Variants in PPP1R16A observed in about 807,000 individuals in gnomAD.
PPP1R16A encodes myosin phosphatase-targeting subunit 3.
A neutral mutation model predicts 46.6 loss-of-function variants in PPP1R16A; 39 were observed. The observed-to-expected ratio is 0.84, with a 90% CI of 0.65 to 1.09. PPP1R16A has a LOEUF of 1.09. PPP1R16A is among the 50% of genes least tolerant of loss of function. The probability of loss-of-function intolerance (pLI) is 0.00; values close to 1 mark genes in which losing one functional copy is unlikely to be tolerated. For synonymous variants in PPP1R16A, 413 were observed against 321.5 expected (o/e 1.28, Z -3.04); for missense variants, 798 against 735.6 (o/e 1.08, Z -0.98).
chr8:144,500,395 A>AGGGCTGGGGGGTGAGGGGCACACG lies in PPP1R16A; in HGVS notation c.705+15_705+38dup. On this transcript the variant is annotated splice_donor_region_variant and intron_variant, in intron 7 of 11. Coordinates refer to ENST00000435887, the MANE Select transcript of PPP1R16A (RefSeq NM_001329443.2). ...CCTGGACCACGGGGCCACGCTGGTG[A>AGGGCTGGGGGGTGAGGGGCACACG]GGGCTGGGGGGTGAGGGGCACACGG... 4.0e-6 allele frequency: 6 copies of AGGGCTGGGGGGTGAGGGGCACACG among 1,506,274 alleles called. No individual in the cohort carries two copies. The highest frequency in any genetic ancestry group is 5.3e-6 in the Non-Finnish European group (6 of 1,129,612). 93.3% of individuals were successfully genotyped at this position (1,506,274 alleles called of 1,614,324 possible).
chr8:144,502,050 C>G lies in PPP1R16A; in HGVS notation c.*147C>G. ...GGCCCCTCTCAGGTCAGAAGACATGCCTGGAGGGATGTCTGGCTGCAAAGA... is the reference window on the plus strand; with the variant it reads ...GGCCCCTCTCAGGTCAGAAGACATGGCTGGAGGGATGTCTGGCTGCAAAGA... On this transcript the variant is annotated 3_prime_UTR_variant, in exon 12 of 12. Transcript: ENST00000435887. 1.4e-6 allele frequency: 1 copy of G among 738,850 alleles called. No homozygotes were observed. The highest frequency in any genetic ancestry group is 2.1e-6 in the Non-Finnish European group (1 of 483,222). 45.8% of individuals were successfully genotyped at this position (738,850 alleles called of 1,614,324 possible).
In PPP1R16A at chr8:144,502,024, T is replaced by C. The variant is rs192904904; in HGVS notation, c.*121T>C. 4 of 1,004,928 alleles carry C rather than the reference T, an allele frequency of 4.0e-6. No individual in the cohort carries two copies. Among genetic ancestry groups the C allele is most frequent in the Non-Finnish European group, 5.6e-6 (4 of 712,740 alleles). 62.3% of individuals were successfully genotyped at this position (1,004,928 alleles called of 1,614,324 possible). On this transcript the variant is annotated 3_prime_UTR_variant, in exon 12 of 12. Transcript: ENST00000435887. ...CCCCGGCTTCTACTGTACAGGACAC[T>C]GGCCCCTCTCAGGTCAGAAGACATG...
At chr8:144,478,701 C>T (rs1825273782) in intron 1 of PPP1R16A, 1 of 152,278 alleles carries the variant, frequency 6.6e-6, no homozygotes, top group South Asian at 2.1e-4. Context: ...CTTCAACTTT[C>T]AGGGATTCAA....
chr8:144,490,255 C>G (rs1185049500), intron 2 of PPP1R16A, 43 bp downstream of exon 2: 1 of 152,408 alleles, frequency 6.6e-6, no homozygotes, highest in Non-Finnish European at 1.5e-5. Context: ...GCCTGTAATC[C>G]CAGCACTGTG....
chr8:144,490,787 A>T (rs887275842), intron 2 of PPP1R16A, among the ~76,000 whole-genome samples: 7 of 152,204 alleles, frequency 4.6e-5, no homozygotes, highest in African/African-American at 1.4e-4. Flanking sequence ...AGGCATGGTG[A>T]TGCATGCCTG....
chr8:144,483,032 C>A (rs902681817), intron 1 of PPP1R16A, among the ~76,000 whole-genome samples: 1 of 151,804 alleles, frequency 6.6e-6, no homozygotes, highest in African/African-American at 2.4e-5. Flanking sequence ...ATCCGCCCCC[C>A]TCAACTCCCA....
rs760418028 is a variant in PPP1R16A, at chr8:144,500,337, C to T, written c.651C>T (p.Ser217=). The T allele has an allele frequency of 6.4e-5, 98 of 1,537,202 alleles. No homozygotes were observed. The highest frequency in any genetic ancestry group is 8.1e-5 in the Non-Finnish European group (93 of 1,146,222). Residue 217 remains serine (S), a synonymous_variant, in exon 7 of 12, where the codon AGC becomes AGT. Transcript: ENST00000435887. ...PELRMLDDIR[S]RLQAGADLHA... is the part of the protein sequence containing the mutation. ...TGCGCATGCTGGACGACATCCGGAG[C>T]CGGCTGCAGGCCGGGGCAGACCTCC... is the stretch of plus-strand genomic sequence containing the variant.
At chr8:144,487,560 G>A (rs750929642) in intron 1 of PPP1R16A, among the ~76,000 whole-genome samples, 7 of 152,136 alleles carry the variant, frequency 4.6e-5, no homozygotes, top group African/African-American at 1.7e-4. Flanking sequence ...GTAGAGATGA[G>A]AGTCTCCCTG....
intron 2 of PPP1R16A, among the ~76,000 whole-genome samples, chr8:144,494,951 A>C (rs1168974734): frequency 6.6e-6 from 1 of 152,164 alleles, no homozygotes; most frequent in African/African-American, 2.4e-5. Context: ...CTAGAGGGCA[A>C]GGGGAGGACT....
rs1411728351 is a variant in PPP1R16A, at chr8:144,493,532, A to G, written c.-734-2929A>G. Among the ~76,000 whole-genome samples the G allele has an allele frequency of 6.6e-6, 1 of 152,150 alleles. No homozygotes were observed. Among genetic ancestry groups the G allele is most frequent in the Non-Finnish European group, 1.5e-5 (1 of 68,004 alleles). ...CAAAGCTTCCACTAGAAGTTCTGCTAGGGCAGCCAAGGTTCAGGTAGGAGG... is the reference window on the plus strand; with the variant it reads ...CAAAGCTTCCACTAGAAGTTCTGCTGGGGCAGCCAAGGTTCAGGTAGGAGG... On this transcript the variant is annotated intron_variant, in intron 2 of 11. Transcript: ENST00000435887. This position sits in a 1 kb window ranked among gnomAD's most constrained non-coding sequence, Gnocchi z 4.3.
At chr8:144,496,359 C>T (rs1826066800) in intron 2 of PPP1R16A, 102 bp from the exon 3 acceptor site, 1 of 152,606 alleles carries the variant, frequency 6.6e-6, no homozygotes, top group Admixed American at 6.5e-5. Flanking sequence ...GGACCTGAGA[C>T]AGCTGGAAGC....
intron 2 of PPP1R16A, among the ~76,000 whole-genome samples, chr8:144,494,425 A>G (rs2130400549): frequency 6.6e-6 from 1 of 151,938 alleles, no homozygotes; most frequent in African/African-American, 2.4e-5. Context: ...GGATCCTCCC[A>G]CCTCAGCCTC....
chr8:144,501,682 C>T lies in PPP1R16A; in HGVS notation c.1366C>T (p.Leu456=). The change falls in exon 12 of 12, where the codon CTG becomes TTG. Residue 456 remains leucine, a synonymous_variant. Transcript: ENST00000435887. ...TLVHDKAHHT[L]ADLKRQRAAA... ...GGTCCACGACAAGGCCCACCACACC[C>T]TGGCTGACCTGAAGCGCCAGCGAGC... 4 of 1,607,658 alleles carry T rather than the reference C, an allele frequency of 2.5e-6. No homozygotes were observed. The highest frequency in any genetic ancestry group is 3.4e-6 in the Non-Finnish European group (4 of 1,177,828).
At position 144,497,151 on chromosome 8, in the gene PPP1R16A, C is replaced by T. The variant is rs1363529933; in HGVS notation, c.-44C>T. The T allele has an allele frequency of 1.9e-6, 3 of 1,540,096 alleles. No homozygotes were observed. The highest frequency in any genetic ancestry group is 1.7e-6 in the Non-Finnish European group (2 of 1,146,668). ...GGCCCAGCCTGGCCCCCAAGCTCCCCACTCTGGTGCCCCGAGCAGCCCTGT... is the reference window on the plus strand; with the variant it reads ...GGCCCAGCCTGGCCCCCAAGCTCCCTACTCTGGTGCCCCGAGCAGCCCTGT... On this transcript the variant is annotated 5_prime_UTR_variant, in exon 3 of 12. Coordinates refer to ENST00000435887, the MANE Select transcript of PPP1R16A (RefSeq NM_001329443.2).
At chr8:144,499,259 C>T (rs1003701689) in intron 5 of PPP1R16A, 198 bp downstream of exon 5, 330 of 675,774 alleles carry the variant, frequency 4.9e-4, no homozygotes, top group Non-Finnish European at 6.2e-4. Flanking sequence ...GCAGCGCGGT[C>T]CCTGCCTCCC....
At chr8:144,482,968 A>G (rs1021207977) in intron 1 of PPP1R16A, among the ~76,000 whole-genome samples, 2 of 150,776 alleles carry the variant, frequency 1.3e-5, no homozygotes, top group African/African-American at 4.9e-5. Flanking sequence ...TTTTTAGTAG[A>G]GACGGGTTTT....
intron 11 of PPP1R16A, 24 bp downstream of exon 11, chr8:144,501,318 C>G (rs572727344): frequency 1.3e-6 from 2 of 1,552,426 alleles, no homozygotes; most frequent in East Asian, 4.8e-5. Flanking sequence ...CCCTGCTCCG[C>G]CCAGCGCAGG....
chr8:144,492,010 C>A (rs1265064380), intron 2 of PPP1R16A, among the ~76,000 whole-genome samples: 3 of 152,222 alleles, frequency 2.0e-5, no homozygotes, highest in Middle Eastern at 3.2e-3. Flanking sequence ...CTCCACCAAG[C>A]CTAAGCATAA....
chr8:144,497,114 C>G lies in PPP1R16A; in HGVS notation c.-81C>G. On this transcript the variant is annotated 5_prime_UTR_variant, in exon 3 of 12. Transcript: ENST00000435887. ...CCGAGGGTGCCAGTCCAGCTAGCTG[C>G]CCCACCCCTCAGGCCCAGCCTGGCC... 1.3e-6 allele frequency: 2 copies of G among 1,518,814 alleles called. No individual in the cohort carries two copies. Among genetic ancestry groups the G allele is most frequent in the Non-Finnish European group, 1.8e-6 (2 of 1,133,118 alleles). 94.1% of individuals were successfully genotyped at this position (1,518,814 alleles called of 1,614,324 possible).
Sources: gnomAD v4.1 joint callset for allele counts (sites outside exome capture counted in the v4.1 genomes callset) on GRCh38, gnomAD v4.1.1 for gene constraint, Gnocchi (gnomAD v3.1) non-coding constraint, MANE v1.5 for transcripts, NCBI Gene and HGNC (gene_info 2026-07-23, HGNC 2026-07-21) for gene names.